Variants in RAD51B observed in about 807,000 individuals in gnomAD.
RAD51B encodes the protein RAD51 paralog B.
Under a neutral mutation model 42.2 loss-of-function variants are expected in RAD51B, and 38 were observed. That is an observed-to-expected ratio of 0.90 (90% CI 0.70 to 1.18). The LOEUF (loss-of-function observed/expected upper bound fraction) is 1.18, where lower values mean the gene tolerates loss of function less well. Ranked by LOEUF, RAD51B falls within the 50% of genes most tolerant of loss-of-function variation. The pLI is 0.00. For missense variants in RAD51B, 373 were observed against 400.7 expected (o/e 0.93, Z 0.59); for synonymous variants, 154 against 145.2 (o/e 1.06, Z -0.43).
At chr14:67,863,091 T>A (rs2042214232) in intron 4 of RAD51B, among the ~76,000 whole-genome samples, 1 of 151,980 alleles carries the variant, frequency 6.6e-6, no homozygotes, top group African/African-American at 2.4e-5. Flanking sequence ...TTATTTATTC[T>A]TAAAGTCTAA....
chr14:68,619,847 G>T (rs1003340472), intron 10 of RAD51B, among the ~76,000 whole-genome samples: 4 of 152,206 alleles, frequency 2.6e-5, no homozygotes, highest in African/African-American at 9.6e-5. Flanking sequence ...CACCTTTTCT[G>T]TCTTCTCCTT....
At chr14:68,586,694 C>A (rs1409542031) in intron 10 of RAD51B, among the ~76,000 whole-genome samples, 1 of 152,170 alleles carries the variant, frequency 6.6e-6, no homozygotes, top group African/African-American at 2.4e-5. Flanking sequence ...GAAATCCAGT[C>A]ACCCCCTTTA....
chr14:67,823,441 T>G, intron 1 of RAD51B, 101 bp from the exon 2 acceptor site: 1 of 866,944 alleles, frequency 1.2e-6, no homozygotes, highest in Non-Finnish European at 1.8e-6. Context: ...TGGAGAAACT[T>G]GAGGAATTTT....
chr14:68,630,178 C>T (rs1054579710), intron 10 of RAD51B, among the ~76,000 whole-genome samples: 1 of 59,198 alleles, frequency 1.7e-5, no homozygotes, highest in African/African-American at 4.7e-5. Context: ...CAGGACTGTG[C>T]TCACAAGCTT....
At chr14:68,535,639 C>T (rs1887572806) in intron 10 of RAD51B, among the ~76,000 whole-genome samples, 1 of 152,152 alleles carries the variant, frequency 6.6e-6, no homozygotes, top group Admixed American at 6.5e-5. Context: ...CTCCGAAGTG[C>T]TAGGATTCTG....
At position 67,833,847 on chromosome 14, in the gene RAD51B, C is replaced by T. The variant is rs532164833; in HGVS notation, c.199-1233C>T. 4.5e-4 allele frequency among the ~76,000 whole-genome samples: 68 copies of T among 152,340 alleles called. 1 individual carries two copies. The South Asian group carries it at 0.013, about 28-fold the overall frequency. On this transcript the variant is annotated intron_variant, in intron 3 of 10. Coordinates refer to ENST00000471583, the MANE Select transcript of RAD51B (RefSeq NM_133510.4). ...AAAGTTTTTATCCCCACTACTATTACCTTCTTCTAGCTACCATTATTTTTC... is the reference window on the plus strand; with the variant it reads ...AAAGTTTTTATCCCCACTACTATTATCTTCTTCTAGCTACCATTATTTTTC...
In RAD51B at chr14:68,355,163, A is replaced by G. The variant is rs2082874905; in HGVS notation, c.854-56261A>G. Among the ~76,000 whole-genome samples the G allele has an allele frequency of 6.6e-5, 10 of 152,328 alleles. 1 individual carries two copies. In the South Asian group the frequency reaches 2.1e-3, roughly 32 times the overall value. On this transcript the variant is annotated intron_variant, in intron 8 of 10. Transcript: ENST00000471583. Reference sequence around the variant, plus strand: ...ACTCTTGCTTTGGTGGGACTAGTACAGATGTATTTTTTATGTCCCATTTCT... The same window carrying G: ...ACTCTTGCTTTGGTGGGACTAGTACGGATGTATTTTTTATGTCCCATTTCT...
intron 11 of RAD51B, among the ~76,000 whole-genome samples, chr14:68,667,045 T>C (rs1893045849): frequency 1.3e-5 from 2 of 152,202 alleles, no homozygotes; most frequent in African/African-American, 4.8e-5. Context: ...ATGCAGGGGT[T>C]TATTTGCCAC....
intron 7 of RAD51B, among the ~76,000 whole-genome samples, chr14:68,126,446 A>G (rs1373011705): frequency 6.6e-6 from 1 of 152,190 alleles, no homozygotes; most frequent in East Asian, 1.9e-4. Context: ...GTCAGCAAAG[A>G]TTGGAAGCAG....
intron 8 of RAD51B, among the ~76,000 whole-genome samples, chr14:68,312,324 C>T (rs902923276): frequency 3.3e-5 from 5 of 152,192 alleles, no homozygotes; most frequent in African/African-American, 7.2e-5. Context: ...ATAACGGATC[C>T]ACCGTTCTGC....
downstream of RAD51B, among the ~76,000 whole-genome samples, chr14:68,600,366 G>A (rs1355055608): frequency 1.3e-5 from 2 of 152,170 alleles, no homozygotes; most frequent in African/African-American, 4.8e-5. Context: ...CAGCATGCTG[G>A]TGGCCCCTTG....
chr14:68,453,228 A>C (rs1170356265), intron 9 of RAD51B, among the ~76,000 whole-genome samples: 1 of 152,234 alleles, frequency 6.6e-6, no homozygotes, highest in Non-Finnish European at 1.5e-5. Context: ...ATTTGAAATT[A>C]TGTCTGTATG....
chr14:67,930,876 A>G (rs893146063), intron 7 of RAD51B, among the ~76,000 whole-genome samples: 3 of 138,244 alleles, frequency 2.2e-5, no homozygotes, highest in African/African-American at 8.1e-5. Flanking sequence ...ATTCTTTTTT[A>G]TTCTTTATTC....
chr14:68,044,263 G>T (rs1426325414), intron 7 of RAD51B, among the ~76,000 whole-genome samples: 1 of 152,244 alleles, frequency 6.6e-6, no homozygotes, highest in African/African-American at 2.4e-5. Flanking sequence ...AGGATATGAA[G>T]TGTTGGGAAT....
chr14:68,098,412 A>T (rs2077231044), intron 7 of RAD51B, among the ~76,000 whole-genome samples: 1 of 152,246 alleles, frequency 6.6e-6, no homozygotes, highest in African/African-American at 2.4e-5. Context: ...TTATGTGTAT[A>T]TTAATCCAGT....
intron 7 of RAD51B, among the ~76,000 whole-genome samples, chr14:68,117,779 A>G (rs2077575042): frequency 6.6e-6 from 1 of 152,220 alleles, no homozygotes; most frequent in Non-Finnish European, 1.5e-5. Flanking sequence ...AAAAATAAAT[A>G]TACCATAAGG....
intron 4 of RAD51B, among the ~76,000 whole-genome samples, chr14:67,854,954 T>C (rs993626564): frequency 6.6e-6 from 1 of 152,206 alleles, no homozygotes; most frequent in Non-Finnish European, 1.5e-5. Context: ...TGAGATCCTG[T>C]ATCTTAAAAA....
intron 10 of RAD51B, among the ~76,000 whole-genome samples, chr14:68,635,111 C>T (rs1408055049): frequency 6.6e-6 from 1 of 152,202 alleles, no homozygotes; most frequent in Non-Finnish European, 1.5e-5. Flanking sequence ...AGATAATGAT[C>T]AGATTCCACT....
chr14:67,841,048 C>T (rs981868647), intron 4 of RAD51B, among the ~76,000 whole-genome samples: 1 of 152,170 alleles, frequency 6.6e-6, no homozygotes, highest in African/African-American at 2.4e-5. Context: ...GATCCGCCCA[C>T]CTCAGCCTCC....
Sources: allele counts gnomAD v4.1 joint callset (sites outside exome capture counted in the v4.1 genomes callset), GRCh38; gene constraint gnomAD v4.1.1; transcripts MANE v1.5; gene names NCBI Gene and HGNC (gene_info 2026-07-23, HGNC 2026-07-21).